Variants in SYNE1 observed in about 807,000 individuals in gnomAD.
SYNE1 encodes spectrin repeat containing nuclear envelope protein 1, also known as nesprin-1.
SYNE1 carries 616 observed loss-of-function variants against 1,111.0 expected under a neutral mutation model. The ratio of observed to expected loss-of-function variants is 0.55; its 90% CI spans 0.52 to 0.59. The LOEUF (loss-of-function observed/expected upper bound fraction) is 0.59. Ranked by LOEUF, SYNE1 falls within the 20% of genes least tolerant of loss-of-function variation. SYNE1 has a pLI of 0.00. For synonymous variants in SYNE1, 3,855 were observed against 3,825.8 expected, an observed-to-expected ratio of 1.01 and a Z score of -0.28; for missense variants, 10,006 against 10,417.0, an observed-to-expected ratio of 0.96 and a Z score of 1.72.
Position 152,284,103 on chromosome 6 carries a change from G to A in SYNE1, c.18082C>T (p.Leu6028=). 6.2e-7 allele frequency: 1 copy of A among 1,614,158 alleles called. No homozygotes were observed. Among genetic ancestry groups the A allele is most frequent in the Non-Finnish European group, 8.5e-7 (1 of 1,180,010 alleles). Residue 6028 remains leucine, a synonymous_variant, in exon 96 of 146, where the codon CTG becomes TTG. Transcript: ENST00000367255. Reference sequence around the variant, plus strand: ...TCGGCCTCACAAGACTCGGATACCAGCTCCTCTGCGAGAGAGGACTGGAGC... The same window carrying A: ...TCGGCCTCACAAGACTCGGATACCAACTCCTCTGCGAGAGAGGACTGGAGC... ...NELQSSLAEE[L]VSESCEADPA...
chr6:152,362,269 C>A lies in SYNE1; in HGVS notation c.10200G>T (p.Gln3400His). 6.2e-7 allele frequency: 1 copy of A among 1,614,234 alleles called. No individual in the cohort carries two copies. The highest frequency in any genetic ancestry group is 8.5e-7 in the Non-Finnish European group (1 of 1,180,034). Residue 3400 changes from glutamine (Q) to histidine (H), a missense_variant, in exon 64 of 146, where the codon CAG becomes CAT. Physicochemically the swap from Gln to His is conservative, Grantham distance 24. This residue lies in a region of SYNE1 where 4,955 missense variants were observed against 5,017.2 expected (regional missense o/e 0.99). Transcript: ENST00000367255. ...KWTSYQDGVR[Q>H]FSGWMDSMEA... ...CCATACTATCCATCCAACCGGAGAA[C>A]TGTCGAACGCCATCCTGATAACTTG...
intron 32 of SYNE1, among the ~76,000 whole-genome samples, chr6:152,440,567 A>ATTTT (rs10700163): frequency 0.025 from 3,076 of 122,660 alleles, 276 homozygotes; most frequent in African/African-American, 0.077. Flanking sequence ...TTGCCTCCAG[A>ATTTT]TTTTTTTTTT....
intron 125 of SYNE1, 21 bp downstream of exon 125, chr6:152,207,951 A>G (rs776270098): frequency 2.3e-5 from 37 of 1,613,048 alleles, no homozygotes; most frequent in Non-Finnish European, 3.1e-5. Context: ...AGGTGTGAGA[A>G]CACTGTGTTT....
intron 1 of SYNE1, 139 bp downstream of exon 1, chr6:152,637,050 T>C (rs1233507467): frequency 6.6e-6 from 1 of 152,296 alleles, no homozygotes; most frequent in Non-Finnish European, 1.5e-5. Context: ...GTTCAGCCTC[T>C]GGGCAGGGTC....
chr6:152,227,519 A>C (rs2081870920), intron 115 of SYNE1, among the ~76,000 whole-genome samples: 1 of 152,124 alleles, frequency 6.6e-6, no homozygotes, highest in Admixed American at 6.5e-5. Context: ...GACAGCTTTG[A>C]TAATTACCAG....
At chr6:152,251,018 C>T (rs1318299176) in intron 104 of SYNE1, among the ~76,000 whole-genome samples, 3 of 152,114 alleles carry the variant, frequency 2.0e-5, no homozygotes, top group Admixed American at 6.6e-5. Flanking sequence ...GGCGCGATCT[C>T]GGCTCACTGG....
intron 93 of SYNE1, among the ~76,000 whole-genome samples, chr6:152,299,597 A>G (rs1231707012): frequency 2.6e-5 from 4 of 152,036 alleles, no homozygotes; most frequent in Non-Finnish European, 5.9e-5. Context: ...TGACAAATGG[A>G]TGAGTTGATA....
chr6:152,606,125 T>C (rs1357771623), intron 3 of SYNE1, among the ~76,000 whole-genome samples: 1 of 152,166 alleles, frequency 6.6e-6, no homozygotes. Flanking sequence ...CACAGTTTGT[T>C]GTCTGTAACC....
chr6:152,189,487 T>G (rs2071561295), intron 127 of SYNE1, 80 bp from the exon 128 acceptor site: 1 of 1,408,552 alleles, frequency 7.1e-7, no homozygotes. Context: ...CCCCTCTTGA[T>G]AGAATTTCCT....
chr6:152,284,481 C>A (rs2094208847), intron 95 of SYNE1, among the ~76,000 whole-genome samples: 1 of 152,026 alleles, frequency 6.6e-6, no homozygotes, highest in Admixed American at 6.6e-5. Flanking sequence ...TTTTTAGAGA[C>A]AGAGTCTCAC....
intron 11 of SYNE1, among the ~76,000 whole-genome samples, chr6:152,498,296 A>G (rs942430919): frequency 1.3e-5 from 2 of 152,200 alleles, no homozygotes; most frequent in African/African-American, 4.8e-5. Context: ...CCGAATACTG[A>G]GCAGAAGAGA....
chr6:152,567,325 C>T (rs1257041301), intron 3 of SYNE1, among the ~76,000 whole-genome samples: 1 of 148,706 alleles, frequency 6.7e-6, no homozygotes, highest in East Asian at 2.5e-4. Flanking sequence ...CCATTTTAAT[C>T]ATTCTGTTAA....
chr6:152,484,038 C>CA (rs773019397), intron 13 of SYNE1, among the ~76,000 whole-genome samples: 6,300 of 53,304 alleles, frequency 0.12, 724 homozygotes, highest in African/African-American at 0.29. Flanking sequence ...CTCATCTCTA[C>CA]AAAAAAAAAA....
intron 4 of SYNE1, among the ~76,000 whole-genome samples, chr6:152,536,033 A>C (rs1594872919): frequency 6.6e-6 from 1 of 152,016 alleles, no homozygotes; most frequent in African/African-American, 2.4e-5. Context: ...CTCTCTGCTT[A>C]TCCCAAAGTT....
At chr6:152,619,733 T>C (rs1457105045) in intron 3 of SYNE1, among the ~76,000 whole-genome samples, 1 of 152,016 alleles carries the variant, frequency 6.6e-6, no homozygotes, top group East Asian at 1.9e-4. Context: ...GGCGGGGCAG[T>C]GACACACAAG....
chr6:152,377,417 C>T (rs747259624), intron 56 of SYNE1, among the ~76,000 whole-genome samples: 1 of 150,970 alleles, frequency 6.6e-6, no homozygotes, highest in Admixed American at 6.6e-5. Flanking sequence ...CGAGACCAGC[C>T]TGACCAACAT....
chr6:152,363,750 A>C (rs1215452609), intron 63 of SYNE1: 2 of 455,104 alleles, frequency 4.4e-6, no homozygotes, highest in Non-Finnish European at 8.8e-6. Flanking sequence ...GTTTGAGGGC[A>C]ATATAGGCAC....
intron 25 of SYNE1, 62 bp from the exon 26 acceptor site, chr6:152,451,267 T>C (rs911901100): frequency 5.8e-6 from 9 of 1,539,958 alleles, no homozygotes; most frequent in Non-Finnish European, 7.9e-6. Flanking sequence ...ACATTCCCAA[T>C]TGAAGTGGCA....
In SYNE1 at chr6:152,310,530, A is replaced by G. The variant is rs1562963778; in HGVS notation, c.16897-12T>C. Reference sequence around the variant, plus strand: ...AATTTTTTCATATCCTAGAGAGTCAATATCAATGTATTGTACTTGAAGTTC... The same window carrying G: ...AATTTTTTCATATCCTAGAGAGTCAGTATCAATGTATTGTACTTGAAGTTC... On this transcript the variant is annotated splice_polypyrimidine_tract_variant and intron_variant, in intron 88 of 145. Coordinates refer to ENST00000367255, the MANE Select transcript of SYNE1 (RefSeq NM_182961.4). The G allele has an allele frequency of 3.7e-6, 6 of 1,613,970 alleles. No homozygotes were observed. Among genetic ancestry groups the G allele is most frequent in the Admixed American group, 1.7e-5 (1 of 60,024 alleles).
Sources: gnomAD v4.1 joint callset for allele counts (sites outside exome capture counted in the v4.1 genomes callset) on GRCh38, gnomAD v4.1.1 for gene constraint, gnomAD v4.1.1 regional missense constraint, MANE v1.5 for transcripts, NCBI Gene and HGNC (gene_info 2026-07-23, HGNC 2026-07-21) for gene names.